Variants in ALG9 observed in about 807,000 individuals in gnomAD.
ALG9 encodes the protein ALG9 alpha-1,2-mannosyltransferase.
ALG9 carries 55 observed loss-of-function variants against 81.8 expected under a neutral mutation model. That is an observed-to-expected ratio of 0.67 (90% CI 0.54 to 0.84). ALG9 has a LOEUF of 0.84. Ranked by LOEUF, ALG9 falls within the 40% of genes least tolerant of loss-of-function variation. ALG9 has a pLI of 0.00. For synonymous variants in ALG9, 278 were observed against 274.3 expected, an observed-to-expected ratio of 1.01 and a Z score of -0.13; for missense variants, 629 against 745.0, an observed-to-expected ratio of 0.84 and a Z score of 1.81.
At chr11:111,870,766 A>C (rs1336170797) in intron 1 of ALG9, 3 of 1,009,802 alleles carry the variant, frequency 3.0e-6, no homozygotes, top group African/African-American at 1.7e-5. Flanking sequence ...AAGCCAACTA[A>C]TCACTCACTT....
rs1963308291 is a variant in ALG9 at position 111,868,744 on chromosome 11, T to C, written c.271-8A>G. 1 of 1,602,086 alleles carries C rather than the reference T, an allele frequency of 6.2e-7. No homozygotes were observed. The highest frequency in any genetic ancestry group is 1.3e-5 in the African/African-American group (1 of 74,548). ...ATAGATGAGGTAGTGTGTCTAAAAA[T>C]ACAAAACAGATAGATTCAGGGTTAT... On this transcript the variant is annotated splice_polypyrimidine_tract_variant and splice_region_variant and intron_variant, in intron 2 of 14. Coordinates refer to ENST00000616540, the MANE Select transcript of ALG9 (RefSeq NM_024740.2).
chr11:111,793,685 C>T (rs1032012567), intron 14 of ALG9, among the ~76,000 whole-genome samples: 4 of 148,684 alleles, frequency 2.7e-5, no homozygotes, highest in South Asian at 2.1e-4. Context: ...GGCGTGAACC[C>T]GGGAGGCGGA....
At chr11:111,831,965 T>C (rs1240395019) in intron 13 of ALG9, among the ~76,000 whole-genome samples, 1 of 152,238 alleles carries the variant, frequency 6.6e-6, no homozygotes, top group African/African-American at 2.4e-5. Context: ...AAACACTAGG[T>C]GAATGCAGAA....
intron 14 of ALG9, among the ~76,000 whole-genome samples, chr11:111,798,487 T>C (rs1466711428): frequency 6.6e-6 from 1 of 152,198 alleles, no homozygotes; most frequent in African/African-American, 2.4e-5. Flanking sequence ...TGGTGATTTA[T>C]TGCAACACTC....
intron 14 of ALG9, chr11:111,798,260 C>T: frequency 3.8e-6 from 1 of 265,888 alleles, no homozygotes; most frequent in Non-Finnish European, 7.5e-6. Context: ...AAGGTGAAAG[C>T]AGAGCAAGCA....
chr11:111,845,617 G>A (rs1956838679), intron 8 of ALG9, among the ~76,000 whole-genome samples: 1 of 152,142 alleles, frequency 6.6e-6, no homozygotes, highest in Non-Finnish European at 1.5e-5. Context: ...ATGAGAAACA[G>A]ACCCCCTCTG....
intron 1 of ALG9, chr11:111,870,911 T>A: frequency 1.0e-6 from 1 of 999,182 alleles, no homozygotes; most frequent in Non-Finnish European, 1.2e-6. Flanking sequence ...CAATTCCATA[T>A]GTTGACAGCT....
chr11:111,815,449 A>C (rs1427724486), intron 13 of ALG9, among the ~76,000 whole-genome samples: 2 of 152,188 alleles, frequency 1.3e-5, no homozygotes, highest in Non-Finnish European at 2.9e-5. Context: ...ATATTAATCA[A>C]GAGGATAATC....
At position 111,857,707 on chromosome 11, in the gene ALG9, G is replaced by C. The variant is rs782217417; in HGVS notation, c.596C>G (p.Thr199Ser). Residue 199 changes from threonine to serine, a missense_variant, in exon 6 of 15, where the codon ACT becomes AGT. Physicochemically the swap from Thr to Ser is moderately conservative, Grantham distance 58. Around this residue, in one of 3 missense-constraint regions of ALG9, gnomAD observed 344 missense variants for 390.5 expected, o/e 0.88. Coordinates refer to ENST00000616540, the MANE Select transcript of ALG9 (RefSeq NM_024740.2). ...CCATCCAGTCATGGCTATCAACGTAGTGTACATACAGAAGCTACTAGGAAG... is the reference window on the plus strand; with the variant it reads ...CCATCCAGTCATGGCTATCAACGTACTGTACATACAGAAGCTACTAGGAAG... ...AFLPSSFCMY[T>S]TLIAMTGWYM... 5.6e-6 allele frequency: 9 copies of C among 1,614,042 alleles called. No homozygotes were observed. The highest frequency in any genetic ancestry group is 1.3e-5 in the African/African-American group (1 of 74,912).
Position 111,782,411 on chromosome 11 carries a change from C to T in ALG9, c.*3986G>A, listed in dbSNP as rs2136157245. 6.6e-6 allele frequency: 1 copy of T among 152,646 alleles called. No individual in the cohort carries two copies. 9.5% of individuals were successfully genotyped at this position (152,646 alleles called of 1,614,324 possible). ...GCAACATTCAGATTTACAGATACAC[C>T]AGAAAGCCTCTGAAATCCAACGATG... On this transcript the variant is annotated 3_prime_UTR_variant, in exon 15 of 15. Transcript: ENST00000616540.
chr11:111,840,005 C>T (rs1555122091), intron 10 of ALG9, among the ~76,000 whole-genome samples: 1 of 152,142 alleles, frequency 6.6e-6, no homozygotes, highest in East Asian at 1.9e-4. Flanking sequence ...CTAAAACTGA[C>T]TGTGGTGACA....
intron 8 of ALG9, among the ~76,000 whole-genome samples, chr11:111,848,549 C>T (rs1957258479): frequency 6.9e-6 from 1 of 145,684 alleles, no homozygotes; most frequent in Admixed American, 6.9e-5. Flanking sequence ...GAGGTCACCC[C>T]ACTGCACTCC....
chr11:111,810,921 C>T (rs904028004), intron 13 of ALG9, among the ~76,000 whole-genome samples: 4 of 152,154 alleles, frequency 2.6e-5, no homozygotes, highest in African/African-American at 9.7e-5. Flanking sequence ...GTCAAGGCTG[C>T]TTGCTGTCAC....
intron 13 of ALG9, chr11:111,817,416 T>C (rs1233702349): frequency 2.0e-5 from 3 of 152,186 alleles, no homozygotes; most frequent in African/African-American, 7.2e-5. Context: ...TGGAGTGTAG[T>C]AGTGCAAATC....
intron 7 of ALG9, 62 bp from the exon 8 acceptor site, chr11:111,853,547 C>G: frequency 1.3e-6 from 2 of 1,572,106 alleles, no homozygotes; most frequent in South Asian, 2.2e-5. Context: ...ATAGGATAAA[C>G]CTGAGAATGA....
At chr11:111,799,842 G>T (rs1478005390) in intron 14 of ALG9, among the ~76,000 whole-genome samples, 1 of 152,120 alleles carries the variant, frequency 6.6e-6, no homozygotes, top group Admixed American at 6.5e-5. Context: ...AGAACTTTTT[G>T]ATGCTGACTA....
chr11:111,772,139 C>T, the ALG9 span, among the ~76,000 whole-genome samples: 3 of 152,136 alleles, frequency 2.0e-5, no homozygotes, highest in Non-Finnish European at 2.9e-5. Flanking sequence ...ATAGGACAGC[C>T]GGGCAAGGTG....
chr11:111,828,292 T>C (rs1953732453), intron 13 of ALG9, among the ~76,000 whole-genome samples: 1 of 152,214 alleles, frequency 6.6e-6, no homozygotes, highest in Non-Finnish European at 1.5e-5. Flanking sequence ...CGCCAATGGA[T>C]AGTCTTGAGC....
At position 111,820,920 on chromosome 11, in the gene ALG9, GCACACA is replaced by G. The variant is rs58305552; in HGVS notation, c.1603-11153_1603-11148del. On this transcript the variant is annotated intron_variant, in intron 13 of 14. Transcript: ENST00000616540. ...TGAGACCCTGTCTCCAAACACGCGC[GCACACA>G]CACACACACACACACACACACAAGC... Among the ~76,000 whole-genome samples, 236 of 146,346 alleles carry G rather than the reference GCACACA, an allele frequency of 1.6e-3. 6 individuals carry two copies. In the East Asian group the frequency reaches 0.043, roughly 27 times the overall value.
Sources: gnomAD v4.1 joint callset for allele counts (sites outside exome capture counted in the v4.1 genomes callset) on GRCh38, gnomAD v4.1.1 for gene constraint, gnomAD v4.1.1 regional missense constraint, MANE v1.5 for transcripts, NCBI Gene and HGNC (gene_info 2026-07-23, HGNC 2026-07-21) for gene names.